Variants in LPIN1 observed in about 807,000 individuals in gnomAD.
The protein encoded by LPIN1 is lipin 1.
A neutral mutation model predicts 107.5 loss-of-function variants in LPIN1; 71 were observed. The ratio of observed to expected loss-of-function variants is 0.66; its 90% CI spans 0.55 to 0.80. LPIN1 has a LOEUF of 0.80. Ranked by LOEUF, LPIN1 falls within the 30% of genes least tolerant of loss-of-function variation. The probability of loss-of-function intolerance (pLI) is 0.00; values close to 1 mark genes in which losing one functional copy is unlikely to be tolerated. For synonymous variants in LPIN1, 445 were observed against 452.6 expected (o/e 0.98, Z 0.21); for missense variants, 1,043 against 1,160.6 (o/e 0.90, Z 1.47).
intron 17 of LPIN1, among the ~76,000 whole-genome samples, chr2:11,810,792 A>T (rs1679514535): frequency 6.6e-6 from 1 of 152,158 alleles, no homozygotes; most frequent in South Asian, 2.1e-4. Flanking sequence ...CCAATCTCAG[A>T]TGTCAGTGTT....
intron 10 of LPIN1, among the ~76,000 whole-genome samples, chr2:11,785,341 G>A (rs1047569614): frequency 2.6e-5 from 4 of 152,212 alleles, no homozygotes; most frequent in African/African-American, 9.6e-5. Context: ...GCCTCCAGAG[G>A]CCTGCAGGCT....
intron 1 of LPIN1, among the ~76,000 whole-genome samples, chr2:11,689,264 T>C (rs895902172): frequency 6.6e-6 from 1 of 152,208 alleles, no homozygotes; most frequent in African/African-American, 2.4e-5. Context: ...ATTAATGAAC[T>C]GCCCTGGTCG....
intron 1 of LPIN1, chr2:11,683,045 G>A (rs1423136471): frequency 6.6e-6 from 1 of 152,160 alleles, no homozygotes; most frequent in Non-Finnish European, 1.5e-5. Flanking sequence ...GACCCCTCTG[G>A]TCAGGGCCAG....
chr2:11,797,796 G>C (rs779890575), intron 14 of LPIN1, among the ~76,000 whole-genome samples: 2 of 152,312 alleles, frequency 1.3e-5, no homozygotes, highest in Non-Finnish European at 2.9e-5. Context: ...ATGCTGAAAT[G>C]AGTTAAGACT....
chr2:11,805,413 G>A (rs948191043), intron 17 of LPIN1: 8 of 579,300 alleles, frequency 1.4e-5, no homozygotes, highest in Non-Finnish European at 2.2e-5. Context: ...AACACAGATG[G>A]TGGCAGCATT....
chr2:11,815,498 G>A (rs557613764), intron 18 of LPIN1, among the ~76,000 whole-genome samples: 90 of 152,072 alleles, frequency 5.9e-4, no homozygotes, highest in Non-Finnish European at 9.3e-4. Context: ...CTCTCCAGGC[G>A]TGTTTCTCTC....
intron 14 of LPIN1, among the ~76,000 whole-genome samples, chr2:11,800,111 T>C (rs948041479): frequency 3.3e-5 from 5 of 152,232 alleles, no homozygotes; most frequent in Non-Finnish European, 7.3e-5. Context: ...CTCTGTGTTG[T>C]GATTTAGACA....
intron 1 of LPIN1, among the ~76,000 whole-genome samples, chr2:11,737,090 A>G (rs1665861685): frequency 1.3e-5 from 2 of 152,252 alleles, no homozygotes; most frequent in Admixed American, 1.3e-4. Flanking sequence ...TGACATCTAC[A>G]ACCATCTGAT....
rs377096053 is a variant in LPIN1 at position 11,788,485 on chromosome 2, G to A, written c.1713+29G>A. ...AGCTTTAACATGAGAAAGAAAAGGG[G>A]ATGCTAGAAATGATGGGTAGCTTAA... On this transcript the variant is annotated intron_variant, in intron 12 of 20. Coordinates refer to ENST00000674199, the MANE Select transcript of LPIN1 (RefSeq NM_001349206.2). The A allele has an allele frequency of 1.5e-4, 235 of 1,562,622 alleles. 1 individual carries two copies. The highest frequency in any genetic ancestry group is 2.0e-4 in the Non-Finnish European group (225 of 1,133,302).
intron 1 of LPIN1, among the ~76,000 whole-genome samples, chr2:11,685,001 G>A (rs938444897): frequency 2.2e-4 from 34 of 152,304 alleles, no homozygotes; most frequent in African/African-American, 8.2e-4. Flanking sequence ...ATAAGCAAGT[G>A]TCTAAGTAAC....
Position 11,696,160 on chromosome 2 carries a change from C to T in LPIN1, c.82-17596C>T, listed in dbSNP as rs116192991. On this transcript the variant is annotated intron_variant, in intron 1 of 21. Coordinates refer to the LPIN1 transcript ENST00000449576. ...ATGGGGGTTTGCTGCACCTAATGAC[C>T]CGTCCTCCAAGTTCCCTCCCCTTAC... 6.2e-3 allele frequency among the ~76,000 whole-genome samples: 934 copies of T among 151,282 alleles called. 14 individuals are homozygous for T. Among genetic ancestry groups the T allele is most frequent in the African/African-American group, 0.022 (901 of 41,048 alleles).
intron 13 of LPIN1, among the ~76,000 whole-genome samples, chr2:11,793,020 G>A (rs1361935587): frequency 6.6e-6 from 1 of 152,062 alleles, no homozygotes; most frequent in Non-Finnish European, 1.5e-5. Context: ...CTCCATTTTT[G>A]TCTCCAAACC....
chr2:11,800,926 T>C (rs1305713266), intron 14 of LPIN1, among the ~76,000 whole-genome samples: 1 of 152,198 alleles, frequency 6.6e-6, no homozygotes, highest in East Asian at 1.9e-4. Context: ...CATATCTTCT[T>C]CCATTTAACG....
chr2:11,731,664 T>C (rs2148546523), intron 1 of LPIN1, among the ~76,000 whole-genome samples: 1 of 152,356 alleles, frequency 6.6e-6, no homozygotes, highest in East Asian at 1.9e-4. Context: ...TCTTTCACAA[T>C]GGTTGAACTA....
rs148335415 is a variant in LPIN1, at chr2:11,772,539, G to C, written c.596+860G>C. On this transcript the variant is annotated intron_variant, in intron 4 of 20. Coordinates refer to ENST00000674199, the MANE Select transcript of LPIN1 (RefSeq NM_001349206.2). ...CACAACTGGGCTGATTTATAGGCAAGGGCTGATTTCAGGCTTAAAAGTGAA... is the reference window on the plus strand; with the variant it reads ...CACAACTGGGCTGATTTATAGGCAACGGCTGATTTCAGGCTTAAAAGTGAA... Among the ~76,000 whole-genome samples the C allele has an allele frequency of 6.6e-5, 10 of 152,312 alleles. No homozygotes were observed. The East Asian group carries it at 1.9e-3, about 29-fold the overall frequency.
chr2:11,712,142 G>A (rs1265705869), intron 1 of LPIN1, among the ~76,000 whole-genome samples: 2 of 152,076 alleles, frequency 1.3e-5, no homozygotes, highest in Non-Finnish European at 2.9e-5. Flanking sequence ...TGATCCCCCC[G>A]GCATCCCCTT....
chr2:11,785,449 G>A (rs1674392465), intron 10 of LPIN1, among the ~76,000 whole-genome samples: 1 of 152,178 alleles, frequency 6.6e-6, no homozygotes, highest in Non-Finnish European at 1.5e-5. Context: ...GTCGGAGGAG[G>A]GCTGGGAACT....
intron 1 of LPIN1, among the ~76,000 whole-genome samples, chr2:11,679,394 T>G (rs914515485): frequency 4.7e-4 from 72 of 152,254 alleles, no homozygotes; most frequent in African/African-American, 1.7e-3. Flanking sequence ...GCTTATGTTT[T>G]ATTGGATATT....
intron 1 of LPIN1, among the ~76,000 whole-genome samples, chr2:11,699,441 G>C (rs750045063): frequency 2.4e-4 from 36 of 152,216 alleles, no homozygotes; most frequent in Non-Finnish European, 4.3e-4. Context: ...GAGTCCCTGG[G>C]GGGGGCGTGC....
Sources: allele counts gnomAD v4.1 joint callset (sites outside exome capture counted in the v4.1 genomes callset), GRCh38; gene constraint gnomAD v4.1.1; transcripts MANE v1.5; gene names NCBI Gene and HGNC (gene_info 2026-07-23, HGNC 2026-07-21).